The following HELLS variants were observed in gnomAD, a reference collection of about 807,000 sequenced individuals.
HELLS encodes lymphoid-specific helicase.
A neutral mutation model predicts 120.0 loss-of-function variants in HELLS; 32 were observed. That is an observed-to-expected ratio of 0.27 (90% CI 0.20 to 0.36). The LOEUF (loss-of-function observed/expected upper bound fraction) is 0.36, where lower values mean the gene tolerates loss of function less well. Ranked by LOEUF, HELLS falls within the 10% of genes least tolerant of loss-of-function variation. The probability of loss-of-function intolerance (pLI) is 1.00; values close to 1 mark genes in which losing one functional copy is unlikely to be tolerated. For synonymous variants in HELLS, 341 were observed against 323.4 expected (o/e 1.05, Z -0.58); for missense variants, 650 against 993.4 (o/e 0.65, Z 4.65).
In HELLS at chr10:94,554,147, G is replaced by A. The variant is rs1326495501; in HGVS notation, c.175G>A (p.Glu59Lys). Residue 59 changes from glutamate to lysine, a missense_variant, in exon 3 of 22, where the codon GAG (glutamate) becomes AAG (lysine). By Grantham distance (56) the Glu-to-Lys change is moderately conservative. Coordinates refer to ENST00000348459, the MANE Select transcript of HELLS (RefSeq NM_018063.5). The part of the protein sequence containing the change: ...LEKARMSWDR[E>K]STEIRYRRLQ... Reference sequence around the variant, plus strand: ...ATAGGCTCGCATGTCTTGGGATAGAGAGTCGACAGAAATTCGGTACCGTAG... The same window carrying A: ...ATAGGCTCGCATGTCTTGGGATAGAAAGTCGACAGAAATTCGGTACCGTAG... 6.3e-7 allele frequency: 1 copy of A among 1,581,926 alleles called. No homozygotes were observed. Among genetic ancestry groups the A allele is most frequent in the Admixed American group, 1.9e-5 (1 of 52,346 alleles).
In HELLS at chr10:94,575,210, G is replaced by T. The variant is rs1431338100; in HGVS notation, c.888+474G>T. ...TGCCTCCCATGATGAAGCAATTCTTGTGCCTGAGCCACCGGAGTAGCTGGG... is the reference window on the plus strand; with the variant it reads ...TGCCTCCCATGATGAAGCAATTCTTTTGCCTGAGCCACCGGAGTAGCTGGG... On this transcript the variant is annotated intron_variant, in intron 9 of 21. Transcript: ENST00000348459. Among the ~76,000 whole-genome samples, 3 of 138,582 alleles carry T rather than the reference G, an allele frequency of 2.2e-5. No homozygotes were observed. In the South Asian group the frequency reaches 7.1e-4, roughly 33 times the overall value. 90.9% of individuals were successfully genotyped at this position (138,582 alleles called of 152,430 possible). A position where few individuals can be genotyped will look rare whatever the true frequency, so the allele number is the denominator to read the frequency against.
rs969443480 is a variant in HELLS, at chr10:94,554,647, T to G, written c.276+399T>G. 4.2e-3 allele frequency among the ~76,000 whole-genome samples: 565 copies of G among 135,078 alleles called. 6 individuals carry two copies. The highest frequency in any genetic ancestry group is 7.7e-3 in the Non-Finnish European group (478 of 61,892). The allele number at this position is 135,078 out of a possible 152,430, so 88.6% of individuals were successfully genotyped here. A position where few individuals can be genotyped will look rare whatever the true frequency, so the allele number is the denominator to read the frequency against. ...TTGGAATCTTCAAAGTAATAGTGTT[T>G]TTTTTTTTGTTTTTTTTTTTTTAAT... On this transcript the variant is annotated intron_variant, in intron 3 of 21. Transcript: ENST00000348459.
At chr10:94,581,761 T>C (rs1844880134) in intron 11 of HELLS, among the ~76,000 whole-genome samples, 1 of 152,214 alleles carries the variant, frequency 6.6e-6, no homozygotes, top group South Asian at 2.1e-4. Context: ...AATATTTTTA[T>C]AATAAGGTTC....
intron 10 of HELLS, among the ~76,000 whole-genome samples, chr10:94,580,179 ACACACATT>A (rs1332731088): frequency 0.039 from 4,539 of 115,450 alleles, 172 homozygotes; most frequent in African/African-American, 0.048. Flanking sequence ...ACACACACAC[ACACACATT>A]TTTTTTTTTT....
At chr10:94,551,774 C>G (rs1258620808) in intron 2 of HELLS, among the ~76,000 whole-genome samples, 1 of 151,008 alleles carries the variant, frequency 6.6e-6, no homozygotes, top group Non-Finnish European at 1.5e-5. Flanking sequence ...GAGTCTCGCT[C>G]TGTTGCCCAG....
chr10:94,589,523 G>A (rs1436012403), intron 13 of HELLS, among the ~76,000 whole-genome samples: 2 of 151,752 alleles, frequency 1.3e-5, no homozygotes, highest in African/African-American at 4.9e-5. Flanking sequence ...GGAGATAGAG[G>A]TGGGATGTTA....
intron 9 of HELLS, among the ~76,000 whole-genome samples, chr10:94,575,765 T>TG (rs1257220827): frequency 1.3e-4 from 5 of 38,708 alleles, no homozygotes; most frequent in Admixed American, 2.7e-4. Flanking sequence ...GGGGGGGGGG[T>TG]TGTGTTTGTG....
intron 6 of HELLS, among the ~76,000 whole-genome samples, chr10:94,564,909 A>T (rs1489884867): frequency 3.4e-5 from 5 of 149,100 alleles, no homozygotes; most frequent in Middle Eastern, 3.4e-3. Flanking sequence ...TCTTATATTT[A>T]AAAAAAAAAG....
intron 3 of HELLS, among the ~76,000 whole-genome samples, chr10:94,556,128 C>T (rs761686455): frequency 2.0e-5 from 3 of 152,128 alleles, no homozygotes; most frequent in Non-Finnish European, 2.9e-5. Flanking sequence ...ACTGAACCCT[C>T]AACCTATGGG....
rs1261249902 is a variant in HELLS, at chr10:94,545,944, G to A, written c.23G>A (p.Gly8Asp). 1 of 1,556,232 alleles carries A rather than the reference G, an allele frequency of 6.4e-7. No individual in the cohort carries two copies. The highest frequency in any genetic ancestry group is 1.2e-5 in the South Asian group (1 of 84,430). Residue 8 changes from glycine to aspartate, a missense_variant, in exon 1 of 22, where the codon GGC becomes GAC. Around this residue, in one of 9 missense-constraint regions of HELLS, gnomAD observed 90 missense variants for 93.6 expected, o/e 0.96. Coordinates refer to ENST00000348459, the MANE Select transcript of HELLS (RefSeq NM_018063.5). MPAERPA[G>D]SGGSEAPAMV... ...GGCATGCCAGCGGAACGGCCCGCGG[G>A]CAGCGGCGGTGAGTGAGGAAAACCT...
At chr10:94,558,251 T>C in intron 4 of HELLS, 56 bp downstream of exon 4, 2 of 1,502,354 alleles carry the variant, frequency 1.3e-6, no homozygotes, top group East Asian at 2.4e-5. Context: ...AGAAATACTT[T>C]TGTATTCTTC....
At chr10:94,586,907 C>G (rs1205409434) in intron 12 of HELLS, among the ~76,000 whole-genome samples, 1 of 151,970 alleles carries the variant, frequency 6.6e-6, no homozygotes, top group Non-Finnish European at 1.5e-5. Context: ...GTTGGCCAGG[C>G]TAGTCTCAAA....
downstream of HELLS, among the ~76,000 whole-genome samples, chr10:94,605,391 C>CT (rs544119962): frequency 4.9e-4 from 75 of 152,114 alleles, no homozygotes; most frequent in South Asian, 6.2e-4. Context: ...CTGGATCTAA[C>CT]TTTTTTTCCT....
intron 6 of HELLS, among the ~76,000 whole-genome samples, chr10:94,565,404 T>C (rs1404851002): frequency 6.6e-6 from 1 of 151,982 alleles, no homozygotes; most frequent in East Asian, 1.9e-4. Context: ...TAAAACACTT[T>C]TAGGCTGGGC....
chr10:94,581,352 A>G lies in HELLS; in HGVS notation c.1059A>G (p.Val353=). ...ATTGCTATTGGAAATACTTAATAGT[A>G]GATGAAGGACACAGGATTAAGAATA... ...LQHCYWKYLI[V]DEGHRIKNMK... Residue 353 remains valine (V), a synonymous_variant, in exon 11 of 22, where the codon GTA becomes GTG. Coordinates refer to ENST00000348459, the MANE Select transcript of HELLS (RefSeq NM_018063.5). The G allele has an allele frequency of 1.9e-6, 3 of 1,588,630 alleles. No individual in the cohort carries two copies. Among genetic ancestry groups the G allele is most frequent in the South Asian group, 1.2e-5 (1 of 85,584 alleles).
At chr10:94,599,849 G>A (rs1241541033) in intron 21 of HELLS, among the ~76,000 whole-genome samples, 2 of 152,182 alleles carry the variant, frequency 1.3e-5, no homozygotes, top group Non-Finnish European at 2.9e-5. Flanking sequence ...TATAAGGACA[G>A]AATTATGAAA....
At position 94,601,455 on chromosome 10, in the gene HELLS, T is replaced by C; in HGVS notation, c.2423-73T>C. On this transcript the variant is annotated intron_variant, in intron 21 of 21. Transcript: ENST00000348459. ...AGATGACTCACTTCTCATAACATCA[T>C]ATTGGATGTTTCTTTTACGATTTCT... 1.5e-5 allele frequency: 12 copies of C among 808,104 alleles called. No individual in the cohort carries two copies. The South Asian group carries it at 1.8e-4, about 12-fold the overall frequency. The allele number at this position is 808,104 out of a possible 1,614,324, so 50.1% of individuals were successfully genotyped here. A position where few individuals can be genotyped will look rare whatever the true frequency, so the allele number is the denominator to read the frequency against.
At chr10:94,596,566 G>C (rs1444861014) in intron 19 of HELLS, among the ~76,000 whole-genome samples, 1 of 151,942 alleles carries the variant, frequency 6.6e-6, no homozygotes, top group Non-Finnish European at 1.5e-5. Flanking sequence ...TCTAGATTCT[G>C]GTTATTATGA....
Position 94,590,451 on chromosome 10 carries a change from A to G in HELLS, c.1527A>G (p.Lys509=), listed in dbSNP as rs1425241014. ...TIELSPTGRP[K]RRTRKSINYS... is the part of the protein sequence containing the mutation. ...AGTTAAGTCCTACTGGTCGACCAAA[A>G]CGACGAACTAGAAAATCAATAAATT... is the stretch of plus-strand genomic sequence containing the variant. The change falls in exon 14 of 22, where the codon AAA becomes AAG. Residue 509 remains lysine, a synonymous_variant. Coordinates refer to ENST00000348459, the MANE Select transcript of HELLS (RefSeq NM_018063.5). 6.2e-7 allele frequency: 1 copy of G among 1,609,974 alleles called. No homozygotes were observed. Among genetic ancestry groups the G allele is most frequent in the African/African-American group, 1.3e-5 (1 of 74,660 alleles).
Sources: gnomAD v4.1 joint callset for allele counts (sites outside exome capture counted in the v4.1 genomes callset) on GRCh38, gnomAD v4.1.1 for gene constraint, gnomAD v4.1.1 regional missense constraint, MANE v1.5 for transcripts, NCBI Gene and HGNC (gene_info 2026-07-23, HGNC 2026-07-21) for gene names.